Variants in TMEM132C observed in about 807,000 individuals in gnomAD.
TMEM132C encodes protein phosphatase 1, regulatory subunit 152.
In TMEM132C, 29 loss-of-function variants were observed where a neutral mutation model predicts 61.4. The observed-to-expected ratio is 0.47, with a 90% CI of 0.35 to 0.64. The LOEUF (loss-of-function observed/expected upper bound fraction) is 0.64. TMEM132C is among the 30% of genes least tolerant of loss of function. TMEM132C has a pLI of 0.00. For missense variants in TMEM132C, 1,408 were observed against 1,476.9 expected (o/e 0.95, Z 0.76); for synonymous variants, 656 against 633.1 (o/e 1.04, Z -0.54).
intron 4 of TMEM132C, among the ~76,000 whole-genome samples, chr12:128,654,710 C>A (rs1954306877): frequency 6.6e-6 from 1 of 152,148 alleles, no homozygotes; most frequent in Non-Finnish European, 1.5e-5. Flanking sequence ...CTACAGAATG[C>A]TGGGCTGAGA....
At chr12:128,547,695 G>A (rs1220848275) in intron 3 of TMEM132C, among the ~76,000 whole-genome samples, 2 of 152,058 alleles carry the variant, frequency 1.3e-5, no homozygotes, top group Non-Finnish European at 2.9e-5. Context: ...CACATCCCCT[G>A]GCTGGTAAGA....
intron 2 of TMEM132C, among the ~76,000 whole-genome samples, chr12:128,523,891 T>C (rs1872995388): frequency 6.6e-6 from 1 of 151,086 alleles, no homozygotes; most frequent in South Asian, 2.1e-4. Flanking sequence ...CACACACCTG[T>C]AGTCCCAGCC....
intron 1 of TMEM132C, among the ~76,000 whole-genome samples, chr12:128,332,023 G>A (rs895341057): frequency 1.3e-5 from 2 of 151,766 alleles, no homozygotes; most frequent in Non-Finnish European, 2.9e-5. Flanking sequence ...CCCTGATGAC[G>A]CCTGTAGGTC....
At chr12:128,357,379 G>A (rs866806700) in intron 1 of TMEM132C, among the ~76,000 whole-genome samples, 10 of 152,210 alleles carry the variant, frequency 6.6e-5, no homozygotes, top group East Asian at 3.9e-4. Context: ...GCTTCTGTTC[G>A]AATGCAGTCA....
intron 3 of TMEM132C, among the ~76,000 whole-genome samples, chr12:128,571,985 TC>T (rs1210039905): frequency 6.6e-6 from 1 of 152,260 alleles, no homozygotes; most frequent in Non-Finnish European, 1.5e-5. Context: ...CACCTGCTTA[TC>T]CCTGAACCAA....
chr12:128,672,194 G>A (rs775315393), intron 5 of TMEM132C, among the ~76,000 whole-genome samples: 6 of 151,796 alleles, frequency 4.0e-5, no homozygotes, highest in East Asian at 3.8e-4. Flanking sequence ...CACTGAAATC[G>A]AAACTAGCCC....
chr12:128,503,694 C>T (rs143858881), intron 2 of TMEM132C, among the ~76,000 whole-genome samples: 56 of 152,328 alleles, frequency 3.7e-4, no homozygotes, highest in African/African-American at 1.3e-3. Context: ...AAGGTTCTAT[C>T]GTTCTCTCTG....
At chr12:128,485,827 G>C (rs914322755) in intron 2 of TMEM132C, among the ~76,000 whole-genome samples, 3 of 152,298 alleles carry the variant, frequency 2.0e-5, no homozygotes, top group African/African-American at 7.2e-5. Context: ...TGAGCTGACG[G>C]AGGGCGCGGA....
intron 3 of TMEM132C, among the ~76,000 whole-genome samples, chr12:128,560,341 T>C (rs1411315555): frequency 1.3e-5 from 2 of 152,202 alleles, no homozygotes; most frequent in Admixed American, 6.5e-5. Context: ...CTGAGTGATC[T>C]GGCCCCTGCC....
chr12:128,378,535 G>A (rs924728179), intron 1 of TMEM132C, among the ~76,000 whole-genome samples: 4 of 152,174 alleles, frequency 2.6e-5, no homozygotes, highest in Non-Finnish European at 5.9e-5. Flanking sequence ...ATTTCGACAG[G>A]AGAGCACAAT....
chr12:128,448,231 C>A (rs1870057801), intron 2 of TMEM132C, among the ~76,000 whole-genome samples: 1 of 152,156 alleles, frequency 6.6e-6, no homozygotes, highest in South Asian at 2.1e-4. Context: ...AATGATATAG[C>A]TACTGAACTG....
chr12:128,562,338 T>G (rs1874552864), intron 3 of TMEM132C, among the ~76,000 whole-genome samples: 1 of 152,228 alleles, frequency 6.6e-6, no homozygotes, highest in Non-Finnish European at 1.5e-5. Context: ...TCAGACCTCT[T>G]ACTTCTTTTC....
chr12:128,410,282 C>T (rs563130668), intron 1 of TMEM132C, among the ~76,000 whole-genome samples: 13 of 152,214 alleles, frequency 8.5e-5, no homozygotes, highest in African/African-American at 3.1e-4. Flanking sequence ...ACCATGTTTC[C>T]TTTCACCTGA....
chr12:128,346,043 C>T (rs1873150432), intron 1 of TMEM132C, among the ~76,000 whole-genome samples: 1 of 151,948 alleles, frequency 6.6e-6, no homozygotes, highest in African/African-American at 2.4e-5. Context: ...GTCTTTAATC[C>T]ATCTTGAGTT....
At chr12:128,544,211 G>C (rs1236940990) in intron 3 of TMEM132C, 108 bp downstream of exon 3, 4 of 1,380,002 alleles carry the variant, frequency 2.9e-6, no homozygotes, top group Non-Finnish European at 3.8e-6. Context: ...GCTCAGAGGA[G>C]CTATTGAACC....
intron 1 of TMEM132C, among the ~76,000 whole-genome samples, chr12:128,334,720 C>T (rs766886871): frequency 2.6e-5 from 4 of 151,908 alleles, no homozygotes; most frequent in Admixed American, 1.3e-4. Context: ...CTCAGCCTCC[C>T]GAGTAGCTGG....
intron 1 of TMEM132C, chr12:128,289,091 CAT>C (rs1464423642): frequency 5.9e-5 from 9 of 152,286 alleles, no homozygotes; most frequent in Non-Finnish European, 7.3e-5. Context: ...CGTTCATTCA[CAT>C]GTGTGCCCAC....
intron 1 of TMEM132C, among the ~76,000 whole-genome samples, chr12:128,321,827 T>C (rs557648335): frequency 1.3e-5 from 2 of 152,318 alleles, no homozygotes; most frequent in South Asian, 4.1e-4. Context: ...ATAAAAACTT[T>C]CAGTTCAAGA....
chr12:128,507,402 CTTTTTTT>C (rs111625089), intron 2 of TMEM132C, among the ~76,000 whole-genome samples: 7 of 113,404 alleles, frequency 6.2e-5, no homozygotes, highest in South Asian at 3.1e-4. Context: ...TTTTTTCTTT[CTTTTTTT>C]TTTTTTTTTT....
Sources: allele counts gnomAD v4.1 joint callset (sites outside exome capture counted in the v4.1 genomes callset), GRCh38; gene constraint gnomAD v4.1.1; transcripts MANE v1.5; gene names NCBI Gene and HGNC (gene_info 2026-07-23, HGNC 2026-07-21).